The following SYTL3 variants were observed in gnomAD, a reference collection of about 807,000 sequenced individuals.
SYTL3 encodes synaptotagmin like 3, also known as synaptotagmin-like protein 3.
Under a neutral mutation model 82.1 loss-of-function variants are expected in SYTL3, and 88 were observed. That is an observed-to-expected ratio of 1.07 (90% CI 0.90 to 1.28). The LOEUF (loss-of-function observed/expected upper bound fraction) is 1.28, where lower values mean the gene tolerates loss of function less well. SYTL3 is among the 50% of genes most tolerant of loss of function. The probability of loss-of-function intolerance (pLI) is 0.00; values close to 1 mark genes in which losing one functional copy is unlikely to be tolerated. For missense variants in SYTL3, 831 were observed against 757.6 expected (o/e 1.10, Z -1.14); for synonymous variants, 311 against 289.4 (o/e 1.07, Z -0.76).
intron 6 of SYTL3, among the ~76,000 whole-genome samples, chr6:158,704,607 C>T (rs1229572213): frequency 1.3e-5 from 2 of 152,216 alleles, no homozygotes; most frequent in Non-Finnish European, 2.9e-5. Flanking sequence ...AATTGGTTTG[C>T]TGGAGTGAAA....
chr6:158,680,594 A>AAAAAC (rs398038506), intron 5 of SYTL3, among the ~76,000 whole-genome samples: 4 of 150,070 alleles, frequency 2.7e-5, no homozygotes, highest in African/African-American at 9.8e-5. Context: ...AAAAAAAAAA[A>AAAAAC]CACAAAAATC....
chr6:158,704,674 C>T (rs1432246065), intron 6 of SYTL3, among the ~76,000 whole-genome samples: 1 of 152,246 alleles, frequency 6.6e-6, no homozygotes, highest in Non-Finnish European at 1.5e-5. Context: ...CCGGAAGCCA[C>T]GTGGGCCTGG....
chr6:158,658,966 G>A (rs1266806552), intron 2 of SYTL3, among the ~76,000 whole-genome samples: 1 of 152,060 alleles, frequency 6.6e-6, no homozygotes, highest in Non-Finnish European at 1.5e-5. Flanking sequence ...ATCAATAGAA[G>A]GCTTTACTCA....
At chr6:158,712,755 CTTTCTT>C (rs1782898892) in intron 8 of SYTL3, among the ~76,000 whole-genome samples, 1 of 137,708 alleles carries the variant, frequency 7.3e-6, no homozygotes, top group Admixed American at 7.4e-5. Context: ...TCTTTTCTTT[CTTTCTT>C]TTTTTTTTTT....
chr6:158,762,843 G>T (rs145203492), intron 16 of SYTL3, among the ~76,000 whole-genome samples: 2 of 152,178 alleles, frequency 1.3e-5, no homozygotes, highest in African/African-American at 2.4e-5. Context: ...CTTGAACTTG[G>T]GGGGAGGAGG....
intron 17 of SYTL3, 150 bp downstream of exon 17, chr6:158,763,659 T>TA (rs1314872266): frequency 2.4e-5 from 16 of 668,832 alleles, no homozygotes; most frequent in Non-Finnish European, 3.9e-5. Flanking sequence ...GTCTAGTTTT[T>TA]ACTCTACAGC....
intron 6 of SYTL3, among the ~76,000 whole-genome samples, chr6:158,701,437 G>T (rs1781259563): frequency 6.6e-6 from 1 of 151,584 alleles, no homozygotes; most frequent in African/African-American, 2.4e-5. Flanking sequence ...TGGGAAGAGG[G>T]TCATGGAGGA....
intron 17 of SYTL3, 100 bp from the exon 18 acceptor site, chr6:158,764,395 G>C (rs7775997): frequency 4.1e-5 from 34 of 832,110 alleles, no homozygotes; most frequent in Non-Finnish European, 6.1e-5. Context: ...ATGTGGACTT[G>C]AGGTGAAAAA....
At chr6:158,648,074 A>G (rs1305199060), upstream of SYTL3, among the ~76,000 whole-genome samples, 1 of 152,198 alleles carries the variant, frequency 6.6e-6, no homozygotes, top group Non-Finnish European at 1.5e-5. Flanking sequence ...TGGGCAGATC[A>G]CCAGAGGTCG....
intron 17 of SYTL3, 139 bp from the exon 18 acceptor site, chr6:158,764,356 G>A (rs371291619): frequency 6.3e-5 from 39 of 623,514 alleles, no homozygotes; most frequent in East Asian, 3.1e-4. Flanking sequence ...TGGTGGTGGC[G>A]GCGTCTGTCA....
In SYTL3 at chr6:158,764,598, G is replaced by T; in HGVS notation, c.1827G>T (p.Leu609=). 6.2e-7 allele frequency: 1 copy of T among 1,611,478 alleles called. No individual in the cohort carries two copies. The highest frequency in any genetic ancestry group is 8.5e-7 in the Non-Finnish European group (1 of 1,177,618). ...TATGGACAGACATGACTCTTGTCCT[G>T]CACTGACATGAAGGCCTCAAGGTTC... The part of the protein sequence containing the change: ...PNLWTDMTLV[L]H Residue 609 remains leucine (L), a synonymous_variant, in exon 18 of 18, where the codon CTG becomes CTT. Coordinates refer to ENST00000611299, the MANE Select transcript of SYTL3 (RefSeq NM_001242394.2).
At chr6:158,725,701 G>A (rs930353526) in intron 11 of SYTL3, 64 bp downstream of exon 11, 37 of 1,569,500 alleles carry the variant, frequency 2.4e-5, no homozygotes, top group Non-Finnish European at 2.9e-5. Context: ...AAAGCATAAT[G>A]TACAAGTCCT....
chr6:158,759,660 T>G (rs1038455652), intron 14 of SYTL3, among the ~76,000 whole-genome samples: 1 of 152,158 alleles, frequency 6.6e-6, no homozygotes, highest in Non-Finnish European at 1.5e-5. Context: ...GCCTCCCTAG[T>G]AGCTGGGATT....
intron 9 of SYTL3, among the ~76,000 whole-genome samples, chr6:158,716,195 G>T (rs1227259158): frequency 6.6e-6 from 1 of 152,210 alleles, no homozygotes; most frequent in African/African-American, 2.4e-5. Context: ...AAGAGGAAAT[G>T]AGAAAACTGG....
At chr6:158,759,107 A>G (rs1434467027) in intron 14 of SYTL3, among the ~76,000 whole-genome samples, 1 of 152,168 alleles carries the variant, frequency 6.6e-6, no homozygotes, top group Non-Finnish European at 1.5e-5. Context: ...CAGCTCGAAG[A>G]CAAGGCCTGG....
At chr6:158,758,665 A>G (rs1236592234) in intron 14 of SYTL3, among the ~76,000 whole-genome samples, 2 of 151,968 alleles carry the variant, frequency 1.3e-5, no homozygotes, top group African/African-American at 2.4e-5. Flanking sequence ...CCTCCAGGCA[A>G]TGCCCACTCT....
chr6:158,686,831 C>T (rs1165771861), intron 6 of SYTL3, among the ~76,000 whole-genome samples: 2 of 152,204 alleles, frequency 1.3e-5, no homozygotes, highest in Non-Finnish European at 2.9e-5. Flanking sequence ...CTGATGCTGG[C>T]CAGACACAGG....
intron 6 of SYTL3, among the ~76,000 whole-genome samples, chr6:158,687,893 G>A (rs1257002499): frequency 2.0e-5 from 3 of 152,160 alleles, no homozygotes; most frequent in African/African-American, 7.2e-5. Context: ...AGATGTAATG[G>A]AAATACTACC....
intron 1 of SYTL3, among the ~76,000 whole-genome samples, chr6:158,650,391 CAT>C (rs1409084614): frequency 6.6e-6 from 1 of 151,748 alleles, no homozygotes; most frequent in Non-Finnish European, 1.5e-5. Context: ...GGTAGAGTGT[CAT>C]TTGCTTTCTT....
Sources: allele counts gnomAD v4.1 joint callset (sites outside exome capture counted in the v4.1 genomes callset), GRCh38; gene constraint gnomAD v4.1.1; transcripts MANE v1.5; gene names NCBI Gene and HGNC (gene_info 2026-07-23, HGNC 2026-07-21).